The following CPS1 variants were observed in gnomAD, a reference collection of about 807,000 sequenced individuals.
CPS1 encodes the protein carbamoyl-phosphate synthase [ammonia], mitochondrial.
In CPS1, 109 loss-of-function variants were observed where a neutral mutation model predicts 174.6. That is an observed-to-expected ratio of 0.62 (90% CI 0.53 to 0.73). CPS1 has a LOEUF of 0.73. CPS1 is among the 30% of genes least tolerant of loss of function. The pLI is 0.00. For synonymous variants in CPS1, 637 were observed against 632.0 expected (o/e 1.01, Z -0.12); for missense variants, 1,689 against 1,821.9 (o/e 0.93, Z 1.33).
At chr2:210,648,876 AT>A (rs1415790209) in intron 27 of CPS1, among the ~76,000 whole-genome samples, 1 of 152,214 alleles carries the variant, frequency 6.6e-6, no homozygotes, top group Non-Finnish European at 1.5e-5. Flanking sequence ...GTGTTTTCTG[AT>A]ACCCAGAAAT....
intron 1 of CPS1, among the ~76,000 whole-genome samples, chr2:210,549,689 C>T (rs1432163028): frequency 2.0e-5 from 3 of 151,946 alleles, no homozygotes; most frequent in Non-Finnish European, 2.9e-5. Flanking sequence ...GTTTTTATAT[C>T]TATAGAACAA....
At chr2:210,598,593 C>A (rs181393620) in intron 13 of CPS1, among the ~76,000 whole-genome samples, 1 of 151,566 alleles carries the variant, frequency 6.6e-6, no homozygotes, top group Admixed American at 6.6e-5. Flanking sequence ...TTCAAATGAA[C>A]GAGGATTTAA....
chr2:210,620,606 C>T lies in CPS1; in HGVS notation c.2687+4065C>T, dbSNP rs1305440521. ...GGCCTCAGAAATCTTACAATCATGG[C>T]GGAAGGCAAAAGGAAAGCAGCCGTG... On this transcript the variant is annotated intron_variant, in intron 21 of 37. Coordinates refer to ENST00000233072, the MANE Select transcript of CPS1 (RefSeq NM_001875.5). 4.0e-5 allele frequency among the ~76,000 whole-genome samples: 6 copies of T among 151,852 alleles called. No homozygotes were observed. The South Asian group carries it at 8.3e-4, about 21-fold the overall frequency.
chr2:210,572,081 G>A (rs1201488899), intron 1 of CPS1, among the ~76,000 whole-genome samples: 1 of 151,864 alleles, frequency 6.6e-6, no homozygotes, highest in African/African-American at 2.4e-5. Flanking sequence ...CTTTACTTCA[G>A]GAAATTCGAC....
chr2:210,537,296 A>G (rs375704041), intron 1 of CPS1, among the ~76,000 whole-genome samples: 3 of 152,196 alleles, frequency 2.0e-5, no homozygotes, highest in African/African-American at 7.2e-5. Flanking sequence ...AACTCTTTCT[A>G]TGTGAATAAT....
At chr2:210,662,999 A>G (rs1700971567) in intron 32 of CPS1, 124 bp from the exon 33 acceptor site, 2 of 899,836 alleles carry the variant, frequency 2.2e-6, no homozygotes, top group Admixed American at 2.3e-5. Flanking sequence ...GAGATTTTTT[A>G]CATGTCTACT....
intron 11 of CPS1, chr2:210,593,675 G>A: frequency 1.0e-6 from 1 of 984,624 alleles, no homozygotes; most frequent in Non-Finnish European, 1.2e-6. Context: ...AGACTTCGAG[G>A]TAAAATGGGG....
intron 32 of CPS1, 32 bp downstream of exon 32, chr2:210,660,687 A>G: frequency 6.3e-7 from 1 of 1,588,418 alleles, no homozygotes; most frequent in South Asian, 1.1e-5. Flanking sequence ...TAGTCATTTT[A>G]TGAGTTCTAG....
At chr2:210,533,343 G>GACACTATAT (rs1458711401) in intron 1 of CPS1, among the ~76,000 whole-genome samples, 3 of 152,234 alleles carry the variant, frequency 2.0e-5, no homozygotes, top group African/African-American at 7.2e-5. Flanking sequence ...ATAGTTCTCT[G>GACACTATAT]ACACTATATG....
intron 1 of CPS1, among the ~76,000 whole-genome samples, chr2:210,564,234 A>G (rs1697204962): frequency 6.6e-6 from 1 of 152,136 alleles, no homozygotes; most frequent in Non-Finnish European, 1.5e-5. Context: ...ACAAACCAAA[A>G]CAATTGAGAG....
At chr2:210,576,313 A>T (rs1277214491) in intron 2 of CPS1, 33 bp from the exon 3 acceptor site, 1 of 1,611,232 alleles carries the variant, frequency 6.2e-7, no homozygotes, top group East Asian at 2.2e-5. Context: ...TACATACATT[A>T]TTTGCTGATA....
At chr2:210,642,289 A>T (rs1283789640) in intron 24 of CPS1, among the ~76,000 whole-genome samples, 195 bp from the exon 25 acceptor site, 1 of 152,184 alleles carries the variant, frequency 6.6e-6, no homozygotes, top group Non-Finnish European at 1.5e-5. Flanking sequence ...CTTGCTGTTT[A>T]ATTAGTACCC....
intron 1 of CPS1, among the ~76,000 whole-genome samples, chr2:210,503,424 C>A (rs922914511): frequency 1.8e-4 from 28 of 152,060 alleles, no homozygotes; most frequent in African/African-American, 5.8e-4. Context: ...AAGTAAAACC[C>A]CCGGCATAAA....
chr2:210,643,461 A>G (rs575905391), intron 25 of CPS1, among the ~76,000 whole-genome samples: 2 of 152,122 alleles, frequency 1.3e-5, no homozygotes, highest in Non-Finnish European at 2.9e-5. Flanking sequence ...AAAAGTACTA[A>G]ATTGGAACCA....
intron 17 of CPS1, among the ~76,000 whole-genome samples, chr2:210,606,507 C>G (rs1698915473): frequency 6.6e-6 from 1 of 151,758 alleles, no homozygotes; most frequent in Admixed American, 6.6e-5. Flanking sequence ...TTGATAGCTA[C>G]TTACTAGATA....
Position 210,602,338 on chromosome 2 carries a change from T to G in CPS1, c.1836+8T>G. The stretch of plus-strand genomic sequence containing the variant: ...ATGGACCTCAGCACAAAGGTATGTA[T>G]TTTTGTAGACAATATTCTTACCAAC... On this transcript the variant is annotated splice_region_variant and intron_variant, in intron 16 of 37. Coordinates refer to ENST00000233072, the MANE Select transcript of CPS1 (RefSeq NM_001875.5). 2 of 1,612,376 alleles carry G rather than the reference T, an allele frequency of 1.2e-6. No homozygotes were observed. Among genetic ancestry groups the G allele is most frequent in the Non-Finnish European group, 1.7e-6 (2 of 1,178,888 alleles).
At chr2:210,556,464 A>C, upstream of CPS1, 1 of 823,414 alleles carries the variant, frequency 1.2e-6, no homozygotes, top group Non-Finnish European at 1.9e-6. Flanking sequence ...TTTTAGCAGG[A>C]GAAGGTAGTA....
At chr2:210,507,938 A>G (rs1327216865) in intron 1 of CPS1, among the ~76,000 whole-genome samples, 1 of 151,970 alleles carries the variant, frequency 6.6e-6, no homozygotes, top group African/African-American at 2.4e-5. Context: ...GGGAGACTTT[A>G]ACACCCCACT....
intron 6 of CPS1, among the ~76,000 whole-genome samples, chr2:210,587,111 A>T (rs955267116): frequency 6.6e-6 from 1 of 151,930 alleles, no homozygotes; most frequent in Non-Finnish European, 1.5e-5. Context: ...GAGAAAAAAA[A>T]CCCCAGATAT....
Sources: allele counts gnomAD v4.1 joint callset (sites outside exome capture counted in the v4.1 genomes callset), GRCh38; gene constraint gnomAD v4.1.1; transcripts MANE v1.5; gene names NCBI Gene and HGNC (gene_info 2026-07-23, HGNC 2026-07-21).